Variants in KCNQ1 observed in about 807,000 individuals in gnomAD.
KCNQ1 encodes the protein potassium voltage-gated channel subfamily Q member 1, also known as potassium voltage-gated channel subfamily KQT member 1.
In KCNQ1, 49 loss-of-function variants were observed where a neutral mutation model predicts 72.4. The ratio of observed to expected loss-of-function variants is 0.68; its 90% confidence interval spans 0.54 to 0.86. KCNQ1 has a LOEUF of 0.86. KCNQ1 is among the 40% of genes least tolerant of loss of function. The probability of loss-of-function intolerance (pLI) is 0.00; values close to 1 mark genes in which losing one functional copy is unlikely to be tolerated. For synonymous variants in KCNQ1, 450 were observed against 412.6 expected (o/e 1.09, Z -1.10); for missense variants, 790 against 945.1 (o/e 0.84, Z 2.15).
At chr11:2,533,483 C>T (rs960990550) in intron 2 of KCNQ1, among the ~76,000 whole-genome samples, 1 of 152,210 alleles carries the variant, frequency 6.6e-6, no homozygotes, top group East Asian at 1.9e-4. Context: ...TGTGTGTGCA[C>T]GTGTGTACGT....
chr11:2,582,621 C>T (rs1031487936), intron 6 of KCNQ1, among the ~76,000 whole-genome samples: 2 of 152,226 alleles, frequency 1.3e-5, no homozygotes, highest in African/African-American at 4.8e-5. Flanking sequence ...TCTGGGCCAC[C>T]ATGCCTGCTG....
rs1275580356 is a variant in KCNQ1 at position 2,824,506 on chromosome 11, G to C, written c.1795-23261G>C. Among the ~76,000 whole-genome samples the C allele has an allele frequency of 1.3e-5, 2 of 152,178 alleles. No individual in the cohort carries two copies. The highest frequency in any genetic ancestry group is 3.2e-3 in the Middle Eastern group (1 of 316). The stretch of plus-strand genomic sequence containing the variant: ...AAAGGTTCTGAGGTGTCCACGTGGA[G>C]GTGTTTGCCCGGCAGTTTAGGCTGC... On this transcript the variant is annotated intron_variant, in intron 15 of 15. Coordinates refer to ENST00000155840, the MANE Select transcript of KCNQ1 (RefSeq NM_000218.3). The surrounding 1 kb of genome is among the most constrained non-coding windows in gnomAD (Gnocchi z 5.9).
intron 15 of KCNQ1, among the ~76,000 whole-genome samples, chr11:2,801,424 A>G (rs1305443062): frequency 6.6e-6 from 1 of 152,192 alleles, no homozygotes; most frequent in Non-Finnish European, 1.5e-5. Flanking sequence ...TATTCCTCAC[A>G]GTTCTGGAGG....
At chr11:2,530,674 C>T (rs956106549) in intron 2 of KCNQ1, among the ~76,000 whole-genome samples, 13 of 152,178 alleles carry the variant, frequency 8.5e-5, no homozygotes, top group Admixed American at 4.6e-4. Context: ...GACTTTCACG[C>T]ATGTTTGGCT....
chr11:2,652,921 T>G lies in KCNQ1; in HGVS notation c.1394-9040T>G, dbSNP rs1044203931. ...GTCCTCAGTATCCTAAACTTAGGTT[T>G]TGGAAAGCCCAGCATCCTCCCTGGG... On this transcript the variant is annotated intron_variant, in intron 10 of 15. Coordinates refer to ENST00000155840, the MANE Select transcript of KCNQ1 (RefSeq NM_000218.3). This position sits in a 1 kb window ranked among gnomAD's most constrained non-coding sequence, Gnocchi z 5.9. 1 of 398,498 alleles carries G rather than the reference T, an allele frequency of 2.5e-6. No individual in the cohort carries two copies. Among genetic ancestry groups the G allele is most frequent in the African/African-American group, 2.1e-5 (1 of 48,620 alleles). 24.7% of individuals were successfully genotyped at this position (398,498 alleles called of 1,614,324 possible). A position where few individuals can be genotyped will look rare whatever the true frequency, so the allele number is the denominator to read the frequency against.
chr11:2,763,897 G>A (rs911001346), intron 11 of KCNQ1, among the ~76,000 whole-genome samples: 2 of 148,732 alleles, frequency 1.3e-5, no homozygotes, highest in African/African-American at 2.5e-5. Context: ...CCTTAAAACC[G>A]GCGTTCTTGT....
chr11:2,607,508 T>C (rs1447688976), intron 10 of KCNQ1, among the ~76,000 whole-genome samples: 1 of 152,136 alleles, frequency 6.6e-6, no homozygotes, highest in East Asian at 1.9e-4. Context: ...GAGACCTCAG[T>C]GAGCTCCTTT....
intron 10 of KCNQ1, among the ~76,000 whole-genome samples, chr11:2,589,365 C>T (rs375637748): frequency 2.4e-4 from 36 of 152,328 alleles, no homozygotes; most frequent in East Asian, 5.8e-4. Context: ...TGGTGTGGCT[C>T]GGATCTGCGT....
intron 1 of KCNQ1, among the ~76,000 whole-genome samples, chr11:2,512,977 A>AGC (rs1190629531): frequency 1.3e-5 from 2 of 152,092 alleles, no homozygotes; most frequent in Non-Finnish European, 2.9e-5. Flanking sequence ...TGGACCCTGG[A>AGC]GCAGGGATCT....
intron 11 of KCNQ1, chr11:2,666,882 C>T: frequency 2.5e-6 from 1 of 398,630 alleles, no homozygotes; most frequent in Non-Finnish European, 4.4e-6. Context: ...ACAGATGAGA[C>T]CATTTTGTCT....
chr11:2,780,110 G>A (rs141907359), intron 15 of KCNQ1, among the ~76,000 whole-genome samples: 305 of 152,272 alleles, frequency 2.0e-3, no homozygotes, highest in Middle Eastern at 6.8e-3. Flanking sequence ...ACCCACAGTC[G>A]ACACTAAATC....
rs1243214154 is a variant in KCNQ1, at chr11:2,824,966, G to A, written c.1795-22801G>A. ...GGCAAGGACAGGGGCGTTTGGACAG[G>A]GGAGGCCGGGTGTGGATGGAAGCTG... On this transcript the variant is annotated intron_variant, in intron 15 of 15. Transcript: ENST00000155840. This position sits in a 1 kb window ranked among gnomAD's most constrained non-coding sequence, Gnocchi z 5.9. 6.6e-6 allele frequency among the ~76,000 whole-genome samples: 1 copy of A among 152,230 alleles called. No homozygotes were observed. The highest frequency in any genetic ancestry group is 2.4e-5 in the African/African-American group (1 of 41,466).
At chr11:2,455,025 A>G (rs765921054) in intron 1 of KCNQ1, among the ~76,000 whole-genome samples, 6 of 152,220 alleles carry the variant, frequency 3.9e-5, no homozygotes, top group Non-Finnish European at 8.8e-5. Context: ...AGAAAACCCT[A>G]AAGAGTCTGC....
intron 15 of KCNQ1, among the ~76,000 whole-genome samples, chr11:2,779,596 T>A (rs1253259914): frequency 6.6e-6 from 1 of 152,156 alleles, no homozygotes; most frequent in Non-Finnish European, 1.5e-5. Context: ...CTGGTTCCAT[T>A]GCCTACACTA....
intron 15 of KCNQ1, among the ~76,000 whole-genome samples, chr11:2,788,170 C>A (rs1238957692): frequency 2.0e-5 from 3 of 151,858 alleles, no homozygotes; most frequent in African/African-American, 7.3e-5. Flanking sequence ...ATGCCCCCAA[C>A]AGAGATGCAT....
In KCNQ1 at chr11:2,479,348, C is replaced by T. The variant is rs1187522337; in HGVS notation, c.386+33864C>T. On this transcript the variant is annotated intron_variant, in intron 1 of 15. Coordinates refer to ENST00000155840, the MANE Select transcript of KCNQ1 (RefSeq NM_000218.3). The surrounding 1 kb of genome is among the most constrained non-coding windows in gnomAD (Gnocchi z 4.6). ...AGAGGTTCTCCATGAGGACCCCACC[C>T]CTGCAGCAAACTTCTGCCTGGACAT... is the stretch of plus-strand genomic sequence containing the variant. Among the ~76,000 whole-genome samples, 1 of 152,224 alleles carries T rather than the reference C, an allele frequency of 6.6e-6. No homozygotes were observed. The highest frequency in any genetic ancestry group is 1.5e-5 in the Non-Finnish European group (1 of 68,038).
At position 2,456,896 on chromosome 11, in the gene KCNQ1, G is replaced by A. The variant is rs1339139957; in HGVS notation, c.386+11412G>A. 8.8e-5 allele frequency among the ~76,000 whole-genome samples: 12 copies of A among 136,280 alleles called. 1 individual carries two copies. The South Asian group carries it at 9.2e-4, about 10-fold the overall frequency. 89.4% of individuals were successfully genotyped at this position (136,280 alleles called of 152,430 possible). On this transcript the variant is annotated intron_variant, in intron 1 of 15. Coordinates refer to ENST00000155840, the MANE Select transcript of KCNQ1 (RefSeq NM_000218.3). ...GGAGCTTGCAGTAAGCCGAGATCAC[G>A]CCACTGCACTCCAGCCTGGGTGACA...
chr11:2,824,120 G>A lies in KCNQ1; in HGVS notation c.1795-23647G>A, dbSNP rs746924368. On this transcript the variant is annotated intron_variant, in intron 15 of 15. Transcript: ENST00000155840. The surrounding 1 kb of genome is among the most constrained non-coding windows in gnomAD (Gnocchi z 5.9). ...CACACCGTCACACACACCCATATTC[G>A]ACACACACATTCACACAAACACACC... Among the ~76,000 whole-genome samples the A allele has an allele frequency of 4.3e-4, 65 of 152,024 alleles. No homozygotes were observed. Among genetic ancestry groups the A allele is most frequent in the Admixed American group, 1.4e-3 (22 of 15,280 alleles).
chr11:2,644,979 G>A, intron 10 of KCNQ1: 1 of 398,682 alleles, frequency 2.5e-6, no homozygotes, highest in Non-Finnish European at 4.4e-6. Context: ...CCCAATGGTA[G>A]TGTATGCTGG....
Sources: allele counts gnomAD v4.1 joint callset (sites outside exome capture counted in the v4.1 genomes callset), GRCh38; gene constraint gnomAD v4.1.1; non-coding constraint Gnocchi (gnomAD v3.1); transcripts MANE v1.5; gene names NCBI Gene and HGNC (gene_info 2026-07-23, HGNC 2026-07-21).